APBB2: variants seen among roughly 807,000 people sequenced by gnomAD.
APBB2 encodes Fe65-like 1.
A neutral mutation model predicts 82.5 loss-of-function variants in APBB2; 38 were observed. That is an observed-to-expected ratio of 0.46 (90% CI 0.36 to 0.60). The LOEUF is 0.60. APBB2 is among the 20% of genes least tolerant of loss of function. The pLI is 0.00. For missense variants in APBB2, 772 were observed against 972.3 expected, an observed-to-expected ratio of 0.79 and a Z score of 2.74; for synonymous variants, 341 against 368.2, an observed-to-expected ratio of 0.93 and a Z score of 0.85.
chr4:40,941,143 T>G (rs962766276), intron 7 of APBB2, among the ~76,000 whole-genome samples: 2 of 59,798 alleles, frequency 3.3e-5, no homozygotes, highest in African/African-American at 5.5e-5. Context: ...ATTTGATTCT[T>G]TTTTTTTTTT....
intron 6 of APBB2, among the ~76,000 whole-genome samples, chr4:40,984,090 G>A (rs890088634): frequency 6.6e-6 from 1 of 152,200 alleles, no homozygotes. Context: ...AAAGAAAGCA[G>A]CAGTGCACAA....
intron 12 of APBB2, chr4:40,842,307 G>C (rs926659812): frequency 1.1e-5 from 5 of 438,344 alleles, no homozygotes; most frequent in Non-Finnish European, 2.3e-5. Context: ...AAGAAAGCAA[G>C]TGAGCTTTGC....
At chr4:41,049,462 T>TG (rs1230455291) in intron 4 of APBB2, among the ~76,000 whole-genome samples, 3 of 129,204 alleles carry the variant, frequency 2.3e-5, no homozygotes, top group African/African-American at 9.3e-5. Context: ...GCGAGGGAGG[T>TG]GGGGGGCAGC....
intron 6 of APBB2, among the ~76,000 whole-genome samples, chr4:40,947,528 T>C (rs1370350021): frequency 1.3e-5 from 2 of 152,278 alleles, no homozygotes; most frequent in Non-Finnish European, 2.9e-5. Flanking sequence ...AGGAACTTTA[T>C]GCTGAATGGC....
intron 2 of APBB2, among the ~76,000 whole-genome samples, chr4:41,104,582 G>A (rs368603082): frequency 3.9e-5 from 6 of 151,968 alleles, no homozygotes; most frequent in South Asian, 4.2e-4. Context: ...TATTTTGTAC[G>A]CAGGTAATGA....
At chr4:40,966,462 G>C (rs1438699238) in intron 6 of APBB2, among the ~76,000 whole-genome samples, 1 of 152,184 alleles carries the variant, frequency 6.6e-6, no homozygotes, top group Non-Finnish European at 1.5e-5. Flanking sequence ...TGGAGGGAGG[G>C]GGGCACTACC....
intron 2 of APBB2, among the ~76,000 whole-genome samples, chr4:41,119,295 G>A (rs1228724171): frequency 6.6e-6 from 1 of 152,050 alleles, no homozygotes; most frequent in African/African-American, 2.4e-5. Context: ...CCGACTGGGG[G>A]AGTGAGTTTG....
chr4:41,176,365 A>AT (rs113468337), intron 1 of APBB2, among the ~76,000 whole-genome samples: 7,928 of 151,268 alleles, frequency 0.052, 458 homozygotes, highest in African/African-American at 0.14. Flanking sequence ...TAAAGAATGT[A>AT]TTTTTTTTTA....
chr4:40,921,206 G>A (rs576686976), intron 10 of APBB2, among the ~76,000 whole-genome samples: 47 of 152,140 alleles, frequency 3.1e-4, no homozygotes, highest in Non-Finnish European at 4.4e-5. Flanking sequence ...GCCCATACAT[G>A]CTAAATGCTC....
At chr4:41,106,021 A>G (rs1026839722) in intron 2 of APBB2, among the ~76,000 whole-genome samples, 1 of 152,218 alleles carries the variant, frequency 6.6e-6, no homozygotes, top group African/African-American at 2.4e-5. Context: ...ACATTCACAT[A>G]TACATACCTT....
intron 6 of APBB2, among the ~76,000 whole-genome samples, chr4:40,985,568 C>T (rs983645801): frequency 6.6e-5 from 10 of 152,142 alleles, no homozygotes; most frequent in African/African-American, 2.4e-4. Flanking sequence ...TCTTTTAAAA[C>T]CCACTTTAGT....
chr4:41,006,362 C>T (rs754586766), intron 6 of APBB2, among the ~76,000 whole-genome samples: 2 of 152,192 alleles, frequency 1.3e-5, no homozygotes, highest in Non-Finnish European at 2.9e-5. Flanking sequence ...GAAGACATAA[C>T]AGGAAGGCTA....
intron 3 of APBB2, among the ~76,000 whole-genome samples, chr4:41,095,602 T>C (rs1170380481): frequency 6.6e-6 from 1 of 152,178 alleles, no homozygotes; most frequent in Non-Finnish European, 1.5e-5. Flanking sequence ...GATCATCCCA[T>C]TGTGTAAATT....
At chr4:41,060,728 G>C (rs938384666) in intron 4 of APBB2, among the ~76,000 whole-genome samples, 1 of 152,120 alleles carries the variant, frequency 6.6e-6, no homozygotes, top group African/African-American at 2.4e-5. Context: ...CCCTGGGAAA[G>C]AGAACGACTC....
intron 12 of APBB2, among the ~76,000 whole-genome samples, chr4:40,833,061 A>G (rs776669724): frequency 2.6e-5 from 4 of 152,180 alleles, no homozygotes; most frequent in Non-Finnish European, 5.9e-5. Context: ...AAGGCAACAC[A>G]TAAGAAATGG....
intron 12 of APBB2, among the ~76,000 whole-genome samples, chr4:40,831,147 C>A (rs568420854): frequency 7.5e-4 from 114 of 152,256 alleles, no homozygotes; most frequent in African/African-American, 2.7e-3. Context: ...TGCCTGTAAT[C>A]CCAGCACTGG....
chr4:40,822,807 G>T (rs1255435293), intron 16 of APBB2, among the ~76,000 whole-genome samples: 1 of 152,166 alleles, frequency 6.6e-6, no homozygotes, highest in Non-Finnish European at 1.5e-5. Flanking sequence ...GTGAGAGGTC[G>T]GGAAGTTTTC....
intron 6 of APBB2, among the ~76,000 whole-genome samples, chr4:40,987,093 T>A (rs1042790556): frequency 6.6e-6 from 1 of 152,206 alleles, no homozygotes; most frequent in Non-Finnish European, 1.5e-5. Flanking sequence ...TAAATTAGTG[T>A]CTCTTAAGAA....
At position 41,048,782 on chromosome 4, in the gene APBB2, C is replaced by T. The variant is rs564288337; in HGVS notation, c.-50-15478G>A. 1.9e-3 allele frequency among the ~76,000 whole-genome samples: 291 copies of T among 152,190 alleles called. 1 individual carries two copies. Among genetic ancestry groups the T allele is most frequent in the African/African-American group, 6.7e-3 (279 of 41,542 alleles). ...CACTGCAACCTCCCTGCCTGATTCTCCTGCCTCAGCCTGCAGAGTGCCTGC... is the reference window on the plus strand; with the variant it reads ...CACTGCAACCTCCCTGCCTGATTCTTCTGCCTCAGCCTGCAGAGTGCCTGC... On this transcript the variant is annotated intron_variant, in intron 4 of 17. Transcript: ENST00000508593.
Sources: allele counts gnomAD v4.1 joint callset (sites outside exome capture counted in the v4.1 genomes callset), GRCh38; gene constraint gnomAD v4.1.1; transcripts MANE v1.5; gene names NCBI Gene and HGNC (gene_info 2026-07-23, HGNC 2026-07-21).